The following GALNT13 variants were observed in gnomAD, a reference collection of about 807,000 sequenced individuals.
GALNT13 encodes UDP-GalNAc:polypeptide N-acetylgalactosaminyltransferase 13.
GALNT13 carries 28 observed loss-of-function variants against 64.2 expected under a neutral mutation model. The observed-to-expected ratio is 0.44, with a 90% CI of 0.32 to 0.60. The LOEUF (loss-of-function observed/expected upper bound fraction) is 0.60. GALNT13 is among the 20% of genes least tolerant of loss of function. The pLI, the probability that GALNT13 is intolerant of heterozygous loss-of-function variation, is 0.05. For synonymous variants in GALNT13, 214 were observed against 224.6 expected (o/e 0.95, Z 0.42); for missense variants, 577 against 669.8 (o/e 0.86, Z 1.53).
the GALNT13 span, among the ~76,000 whole-genome samples, chr2:153,777,009 C>T: frequency 6.6e-6 from 1 of 152,060 alleles, no homozygotes; most frequent in East Asian, 1.9e-4. Flanking sequence ...ACTAAACATA[C>T]CTGTGGAAGT....
chr2:153,867,345 T>C (rs1192479285), upstream of GALNT13, among the ~76,000 whole-genome samples: 12 of 152,182 alleles, frequency 7.9e-5, no homozygotes, highest in Admixed American at 7.9e-4. Flanking sequence ...TTCTGATGGG[T>C]GTAGTGATCG....
intron 4 of GALNT13, among the ~76,000 whole-genome samples, chr2:154,157,689 T>C (rs1306486988): frequency 6.6e-6 from 1 of 152,248 alleles, no homozygotes; most frequent in Non-Finnish European, 1.5e-5. Flanking sequence ...TTGAGCCATC[T>C]CCGTACCACC....
chr2:154,234,284 C>T (rs1559040150), intron 4 of GALNT13, among the ~76,000 whole-genome samples: 2 of 152,260 alleles, frequency 1.3e-5, no homozygotes, highest in Non-Finnish European at 2.9e-5. Flanking sequence ...TACAGTGCTT[C>T]ATATTATAAG....
At chr2:153,948,557 T>C (rs1217339607) in intron 3 of GALNT13, among the ~76,000 whole-genome samples, 2 of 152,152 alleles carry the variant, frequency 1.3e-5, no homozygotes, top group Non-Finnish European at 2.9e-5. Context: ...CATCCATGCA[T>C]ATGTTCATTG....
At chr2:153,871,552 G>A (rs1390899847), upstream of GALNT13, among the ~76,000 whole-genome samples, 1 of 152,194 alleles carries the variant, frequency 6.6e-6, no homozygotes, top group African/African-American at 2.4e-5. Flanking sequence ...GGGCGAACGC[G>A]GTGCACGCAG....
intron 3 of GALNT13, among the ~76,000 whole-genome samples, chr2:154,085,760 A>T (rs1701489909): frequency 6.6e-6 from 1 of 151,980 alleles, no homozygotes; most frequent in Non-Finnish European, 1.5e-5. Flanking sequence ...CATTCTTAAA[A>T]TTTCTTTTCT....
chr2:153,547,791 G>A, the GALNT13 span, among the ~76,000 whole-genome samples: 1 of 152,106 alleles, frequency 6.6e-6, no homozygotes, highest in Non-Finnish European at 1.5e-5. Context: ...TAAGGAACTT[G>A]GGCTCTGAAA....
the GALNT13 span, among the ~76,000 whole-genome samples, chr2:153,674,843 C>G: frequency 2.6e-4 from 40 of 152,088 alleles, no homozygotes; most frequent in South Asian, 8.3e-3. Context: ...AAAACTTACA[C>G]AAATTTACAA....
At chr2:154,138,259 A>C (rs1001681613) in intron 3 of GALNT13, among the ~76,000 whole-genome samples, 1 of 151,822 alleles carries the variant, frequency 6.6e-6, no homozygotes, top group African/African-American at 2.4e-5. Flanking sequence ...CCTTCTGAAG[A>C]CTCCTGTGTA....
At position 154,308,999 on chromosome 2, in the gene GALNT13, C is replaced by CA. The variant is rs1186149525; in HGVS notation, c.1156+7411dup. On this transcript the variant is annotated intron_variant, in intron 9 of 12. Transcript: ENST00000392825. ...TGTATTTTTATAATAAGGATACTGC[C>CA]ATGCTCTGTCTTCAGTTGTTAAGTG... is the stretch of plus-strand genomic sequence containing the variant. Among the ~76,000 whole-genome samples, 6 of 152,044 alleles carry CA rather than the reference C, an allele frequency of 3.9e-5. No individual in the cohort carries two copies. The East Asian group carries it at 9.6e-4, about 24-fold the overall frequency.
At chr2:153,780,237 A>G in the GALNT13 span, among the ~76,000 whole-genome samples, 1 of 10,862 alleles carries the variant, frequency 9.2e-5, no homozygotes, top group African/African-American at 2.1e-4. Context: ...ATATATATAT[A>G]TATATATATA....
intron 3 of GALNT13, among the ~76,000 whole-genome samples, chr2:154,017,764 A>G (rs921574295): frequency 2.6e-5 from 4 of 152,116 alleles, no homozygotes. Flanking sequence ...GAAACATCCT[A>G]TTTATGGCTT....
chr2:153,221,707 C>A, the GALNT13 span, among the ~76,000 whole-genome samples: 1 of 151,994 alleles, frequency 6.6e-6, no homozygotes, highest in Non-Finnish European at 1.5e-5. Flanking sequence ...ATGTGTGGGG[C>A]CAGCGAGAAT....
chr2:154,312,079 T>C (rs1694076870), intron 9 of GALNT13, among the ~76,000 whole-genome samples: 2 of 152,066 alleles, frequency 1.3e-5, no homozygotes, highest in African/African-American at 4.8e-5. Context: ...GCTGACAGGA[T>C]TAAGAGATTA....
chr2:153,765,178 T>C, the GALNT13 span, among the ~76,000 whole-genome samples: 2 of 152,154 alleles, frequency 1.3e-5, no homozygotes, highest in Admixed American at 1.3e-4. Context: ...GCCACTGTCC[T>C]CCAGACCCCA....
At chr2:153,362,559 A>G in the GALNT13 span, among the ~76,000 whole-genome samples, 5 of 148,342 alleles carry the variant, frequency 3.4e-5, no homozygotes, top group African/African-American at 1.2e-4. Context: ...AGAGCAAAAA[A>G]AAAAAAAAAA....
At chr2:153,216,264 T>C in the GALNT13 span, among the ~76,000 whole-genome samples, 1 of 152,122 alleles carries the variant, frequency 6.6e-6, no homozygotes, top group African/African-American at 2.4e-5. Flanking sequence ...AAAGCTGCTA[T>C]AAACATTTCT....
At chr2:153,998,828 G>A (rs1813024) in intron 3 of GALNT13, among the ~76,000 whole-genome samples, 116,239 of 151,934 alleles carry the variant, frequency 0.77, 44,852 homozygotes, top group East Asian at 0.96. Context: ...AGGTGTGAGG[G>A]AAGGGTCCAG....
intron 3 of GALNT13, among the ~76,000 whole-genome samples, chr2:154,021,647 A>G (rs1697506711): frequency 6.6e-6 from 1 of 151,910 alleles, no homozygotes. Context: ...TCATCTGCAA[A>G]CAGGGACAAT....
Sources: allele counts gnomAD v4.1 joint callset (sites outside exome capture counted in the v4.1 genomes callset), GRCh38; gene constraint gnomAD v4.1.1; transcripts MANE v1.5; gene names NCBI Gene and HGNC (gene_info 2026-07-23, HGNC 2026-07-21).